The following DDX41 variants were observed in gnomAD, a reference collection of about 807,000 sequenced individuals.
The protein encoded by DDX41 is probable ATP-dependent RNA helicase DDX41.
In DDX41, 50 loss-of-function variants were observed where a neutral mutation model predicts 78.8. The ratio of observed to expected loss-of-function variants is 0.63; its 90% CI spans 0.51 to 0.80. The LOEUF is 0.80. Ranked by LOEUF, DDX41 falls within the 30% of genes least tolerant of loss-of-function variation. DDX41 has a pLI of 0.00. For synonymous variants in DDX41, 381 were observed against 321.5 expected, an observed-to-expected ratio of 1.19 and a Z score of -1.98; for missense variants, 633 against 849.2, an observed-to-expected ratio of 0.75 and a Z score of 3.16.
Position 177,511,880 on chromosome 5 carries a change from C to G in DDX41, c.1780G>C (p.Asp594His), listed in dbSNP as rs763815974. 2 of 1,614,032 alleles carry G rather than the reference C, an allele frequency of 1.2e-6. No individual in the cohort carries two copies. Among genetic ancestry groups the G allele is most frequent in the African/African-American group, 2.7e-5 (2 of 74,928 alleles). ...TGCATAGCCTCGAGTTTGGGGCAGT[C>G]AGTGATCCGATGACCCAGGCCCCCG... ...FCGGLGHRIT[D>H]CPKLEAMQTK... Residue 594 changes from aspartate (D) to histidine (H), a missense_variant, in exon 17 of 17, where the codon GAC (aspartate) becomes CAC (histidine). Physicochemically the swap from Asp to His is moderately conservative, Grantham distance 81. Around this residue, in one of 6 missense-constraint regions of DDX41, gnomAD observed 185 missense variants for 367.4 expected, o/e 0.50. Transcript: ENST00000330503.
chr5:177,516,672 C>T lies in DDX41; in HGVS notation c.138+53G>A, dbSNP rs2242320. The T allele has an allele frequency of 0.059, 90,876 of 1,532,518 alleles. 3,417 individuals carry two copies. The highest frequency in any genetic ancestry group is 0.2 in the East Asian group (8,096 of 40,978). The allele number at this position is 1,532,518 out of a possible 1,614,324, so 94.9% of individuals were successfully genotyped here. A position where few individuals can be genotyped will look rare whatever the true frequency, so the allele number is the denominator to read the frequency against. The stretch of plus-strand genomic sequence containing the variant: ...CACGGAGGCCGAGGCCACGCCCGCC[C>T]CCTGCGACCCCGCGGTCACGGCCCC... On this transcript the variant is annotated intron_variant, in intron 2 of 16. Transcript: ENST00000330503.
In DDX41 at chr5:177,514,545, C is replaced by A. The variant is rs1029180895; in HGVS notation, c.935+156G>T. 6.6e-6 allele frequency among the ~76,000 whole-genome samples: 1 copy of A among 152,244 alleles called. No homozygotes were observed. The highest frequency in any genetic ancestry group is 1.5e-5 in the Non-Finnish European group (1 of 68,036). On this transcript the variant is annotated intron_variant, in intron 9 of 16. Transcript: ENST00000330503. The surrounding 1 kb of genome is among the most constrained non-coding windows in gnomAD (Gnocchi z 4.2). ...CCTGGCCACATCCCTCTGTCCTCCC[C>A]CAACTAACCTCCCCATTAGACTGGG...
In DDX41 at chr5:177,512,213, G is replaced by A; in HGVS notation, c.1622-7C>T. The A allele has an allele frequency of 6.2e-7, 1 of 1,613,834 alleles. No individual in the cohort carries two copies. The highest frequency in any genetic ancestry group is 8.5e-7 in the Non-Finnish European group (1 of 1,180,014). Reference sequence around the variant, plus strand: ...TCCATCAGCACTGACTCATCTGGGGGAGGAGTGGGGAAGCATCAGGGCCCA... The same window carrying A: ...TCCATCAGCACTGACTCATCTGGGGAAGGAGTGGGGAAGCATCAGGGCCCA... On this transcript the variant is annotated splice_polypyrimidine_tract_variant and splice_region_variant and intron_variant, in intron 15 of 16. Transcript: ENST00000330503.
chr5:177,512,306 C>A lies in DDX41; in HGVS notation c.1621+16G>T. 6.2e-7 allele frequency: 1 copy of A among 1,614,054 alleles called. No homozygotes were observed. The highest frequency in any genetic ancestry group is 8.5e-7 in the Non-Finnish European group (1 of 1,179,986). On this transcript the variant is annotated intron_variant, in intron 15 of 16. Transcript: ENST00000330503. Reference sequence around the variant, plus strand: ...GACCCAGGGAACAGCTAAGGTGGCGCTGGTAACAGACTCACCACACGCTTT... The same window carrying A: ...GACCCAGGGAACAGCTAAGGTGGCGATGGTAACAGACTCACCACACGCTTT...
chr5:177,515,059 G>A lies in DDX41; in HGVS notation c.655C>T (p.Arg219Cys), dbSNP rs1162015461. The A allele has an allele frequency of 2.5e-6, 4 of 1,612,728 alleles. No homozygotes were observed. Among genetic ancestry groups the A allele is most frequent in the East Asian group, 2.2e-5 (1 of 44,850 alleles). The change falls in exon 8 of 17, where the codon CGT becomes TGT. Residue 219 changes from arginine to cysteine, a missense_variant. This residue lies in a region of DDX41 where 126 missense variants were observed against 115.5 expected (regional missense o/e 1.09). Coordinates refer to ENST00000330503, the MANE Select transcript of DDX41 (RefSeq NM_016222.4). ...GTGAAAGCGATGCCTATCATGTCAC[G>A]GCCAGATAGACTGTTGGGAGAGGAT... The part of the protein sequence containing the change: ...IQGIPTILSG[R>C]DMIGIAFTGS...
At chr5:177,512,024 A>G (rs1291877326) in intron 16 of DDX41, 72 bp downstream of exon 16, 4 of 1,606,632 alleles carry the variant, frequency 2.5e-6, no homozygotes, top group Non-Finnish European at 3.4e-6. Flanking sequence ...CACCGGTTTC[A>G]CGTTTCTGAC....
chr5:177,514,091 C>A lies in DDX41; in HGVS notation c.936-244G>T, dbSNP rs1581806255. On this transcript the variant is annotated intron_variant, in intron 9 of 16. Coordinates refer to ENST00000330503, the MANE Select transcript of DDX41 (RefSeq NM_016222.4). The surrounding 1 kb of genome is among the most constrained non-coding windows in gnomAD (Gnocchi z 4.2). ...CCTTCTCCTGGGTCAGCCTCTCACC[C>A]AGAAGCGCTGTCATCAAGCTCCAGA... is the stretch of plus-strand genomic sequence containing the variant. 1.5e-6 allele frequency: 1 copy of A among 664,658 alleles called. No homozygotes were observed. The highest frequency in any genetic ancestry group is 2.9e-5 in the East Asian group (1 of 34,008). The allele number at this position is 664,658 out of a possible 1,614,324, so 41.2% of individuals were successfully genotyped here. A position where few individuals can be genotyped will look rare whatever the true frequency, so the allele number is the denominator to read the frequency against.
chr5:177,516,256 C>T (rs1407361526), intron 3 of DDX41, 32 bp downstream of exon 3: 1 of 1,614,158 alleles, frequency 6.2e-7, no homozygotes, highest in Non-Finnish European at 8.5e-7. Context: ...TCAGCTTCTT[C>T]TTTCTCGCCC....
At position 177,512,649 on chromosome 5, in the gene DDX41, G is replaced by C. The variant is rs780702023; in HGVS notation, c.1400-4C>G. 40 of 1,613,868 alleles carry C rather than the reference G, an allele frequency of 2.5e-5. No homozygotes were observed. Among genetic ancestry groups the C allele is most frequent in the Non-Finnish European group, 3.4e-6 (4 of 1,180,008 alleles). ...GCCTTAGTCCGTTCCTCCTGGTCTGGGGAGGGTCAGGCAGACACTGTCAGA... is the reference window on the plus strand; with the variant it reads ...GCCTTAGTCCGTTCCTCCTGGTCTGCGGAGGGTCAGGCAGACACTGTCAGA... On this transcript the variant is annotated splice_region_variant and splice_polypyrimidine_tract_variant and intron_variant, in intron 13 of 16. Coordinates refer to ENST00000330503, the MANE Select transcript of DDX41 (RefSeq NM_016222.4).
chr5:177,512,776 T>C lies in DDX41; in HGVS notation c.1399+4A>G. The C allele has an allele frequency of 3.7e-6, 6 of 1,614,098 alleles. No homozygotes were observed. Among genetic ancestry groups the C allele is most frequent in the Non-Finnish European group, 5.1e-6 (6 of 1,180,014 alleles). ...GTCCAAGCCAGTGCTTGCACCACCC[T>C]GACCTTTGCCCCCATGGATGGCTAC... On this transcript the variant is annotated splice_donor_region_variant and intron_variant, in intron 13 of 16. Coordinates refer to ENST00000330503, the MANE Select transcript of DDX41 (RefSeq NM_016222.4).
rs535401316 is a variant in DDX41, at chr5:177,513,152, G to A, written c.1231-70C>T. On this transcript the variant is annotated intron_variant, in intron 11 of 16. Transcript: ENST00000330503. This position sits in a 1 kb window ranked among gnomAD's most constrained non-coding sequence, Gnocchi z 4.6. ...ACCCGCCACAGCCCTGCCATGGCCC[G>A]TCATCTGGACCAGGAGGTGACCAGA... 2,053 of 1,561,494 alleles carry A rather than the reference G, an allele frequency of 1.3e-3. 1 individual carries two copies. The highest frequency in any genetic ancestry group is 1.6e-3 in the Non-Finnish European group (1,871 of 1,141,722).
At position 177,516,163 on chromosome 5, in the gene DDX41, A is replaced by G; in HGVS notation, c.329T>C (p.Leu110Pro). The change falls in exon 4 of 17, where the codon CTG (leucine) becomes CCG (proline). Residue 110 changes from leucine (L) to proline (P), a missense_variant. Leu to Pro is a moderately conservative substitution (Grantham distance 98). Transcript: ENST00000330503. Reference sequence around the variant, plus strand: ...CTCCAGGATCTTCTCTTCTTCCTTCAGCTGCTTCTCCTTGGCAGACTCTTT... The same window carrying G: ...CTCCAGGATCTTCTCTTCTTCCTTCGGCTGCTTCTCCTTGGCAGACTCTTT... ...ARKESAKEKQ[L>P]KEEEKILESV... 1 of 1,614,032 alleles carries G rather than the reference A, an allele frequency of 6.2e-7. No homozygotes were observed. Among genetic ancestry groups the G allele is most frequent in the Non-Finnish European group, 8.5e-7 (1 of 1,180,026 alleles).
rs1761093088 is a variant in DDX41 at position 177,513,759 on chromosome 5, CCAGGTAGCGA to C, written c.1014_1023del (p.Cys338TrpfsTer9). ...ATCATGCGGTCAGCCTCGTCCAGGG[CCAGGTAGCGA>C]CAGATGTCTAGGCTGACCATCTTCT... is the stretch of plus-strand genomic sequence containing the variant. On this transcript the variant is annotated frameshift_variant, in exon 10 of 17. Transcript: ENST00000330503. LOFTEE classifies it high-confidence loss of function. This position sits in a 1 kb window ranked among gnomAD's most constrained non-coding sequence, Gnocchi z 4.6. 6.2e-7 allele frequency: 1 copy of C among 1,613,904 alleles called. No individual in the cohort carries two copies. Among genetic ancestry groups the C allele is most frequent in the African/African-American group, 1.3e-5 (1 of 75,028 alleles).
chr5:177,516,869 C>T (rs1260357778), intron 1 of DDX41, 34 bp from the exon 2 acceptor site: 3 of 1,613,270 alleles, frequency 1.9e-6, no homozygotes, highest in East Asian at 2.2e-5. Context: ...ACGGCCTGCT[C>T]CCCTCTTCAC....
chr5:177,513,397 T>G lies in DDX41; in HGVS notation c.1186A>C (p.Ile396Leu). ...GCAGCCCCAGCGCGCCCCACATTGA[T>G]GGTCACAGGCTTTACAAGGGCACTC... is the stretch of plus-strand genomic sequence containing the variant. ...AKSALVKPVT[I>L]NVGRAGAASL... The change falls in exon 11 of 17, where the codon ATC (isoleucine) becomes CTC (leucine). Residue 396 changes from isoleucine to leucine, a missense_variant. By Grantham distance (5) the Ile-to-Leu change is conservative. Coordinates refer to ENST00000330503, the MANE Select transcript of DDX41 (RefSeq NM_016222.4). This position sits in a 1 kb window ranked among gnomAD's most constrained non-coding sequence, Gnocchi z 4.6. The G allele has an allele frequency of 6.2e-7, 1 of 1,614,144 alleles. No homozygotes were observed. The highest frequency in any genetic ancestry group is 1.3e-5 in the African/African-American group (1 of 75,052).
At chr5:177,511,958 T>G in intron 16 of DDX41, 31 bp from the exon 17 acceptor site, 1 of 1,612,236 alleles carries the variant, frequency 6.2e-7, no homozygotes. Context: ...GTCAGCCAAG[T>G]CAAGGACCAG....
In DDX41 at chr5:177,513,078, A is replaced by G. The variant is rs775645581; in HGVS notation, c.1235T>C (p.Val412Ala). ...GAASLDVIQE[V>A]EYVKEEAKMV... ...CTTGGCCTCCTCCTTCACATATTCT[A>G]CCTCCTGCCACCACAAAGATCAGGT... The change falls in exon 12 of 17, where the codon GTA becomes GCA. Residue 412 changes from valine to alanine, a missense_variant. Physicochemically the swap from Val to Ala is moderately conservative, Grantham distance 64. Transcript: ENST00000330503. The surrounding 1 kb of genome is among the most constrained non-coding windows in gnomAD (Gnocchi z 4.6). 5.0e-6 allele frequency: 8 copies of G among 1,611,444 alleles called. No individual in the cohort carries two copies. Among genetic ancestry groups the G allele is most frequent in the Non-Finnish European group, 6.8e-6 (8 of 1,179,124 alleles).
At chr5:177,515,376 G>T in intron 6 of DDX41, 118 bp from the exon 7 acceptor site, 1 of 1,014,446 alleles carries the variant, frequency 9.9e-7, no homozygotes, top group Non-Finnish European at 1.5e-6. Flanking sequence ...GGCTCAGAGA[G>T]AGAGAGAGAG....
intron 7 of DDX41, 41 bp from the exon 8 acceptor site, chr5:177,515,110 G>T: frequency 1.2e-6 from 2 of 1,612,244 alleles, no homozygotes; most frequent in Non-Finnish European, 1.7e-6. Flanking sequence ...TTCAACAGAA[G>T]ATGAAGGACA....
Sources: allele counts gnomAD v4.1 joint callset (sites outside exome capture counted in the v4.1 genomes callset), GRCh38; gene constraint gnomAD v4.1.1; regional missense constraint gnomAD v4.1.1; non-coding constraint Gnocchi (gnomAD v3.1); transcripts MANE v1.5; gene names NCBI Gene and HGNC (gene_info 2026-07-23, HGNC 2026-07-21).